Variants in TBCK observed in about 807,000 individuals in gnomAD.
TBCK encodes the protein TBC1 domain containing kinase, also known as TBC domain-containing protein kinase-like protein.
Under a neutral mutation model 113.4 loss-of-function variants are expected in TBCK, and 99 were observed. The ratio of observed to expected loss-of-function variants is 0.87; its 90% CI spans 0.74 to 1.03. The LOEUF is 1.03. Ranked by LOEUF, TBCK falls within the 50% of genes least tolerant of loss-of-function variation. The probability of loss-of-function intolerance (pLI) is 0.00; values close to 1 mark genes in which losing one functional copy is unlikely to be tolerated. For missense variants in TBCK, 1,045 were observed against 1,061.3 expected (o/e 0.98, Z 0.21); for synonymous variants, 369 against 370.8 (o/e 1.00, Z 0.05).
At chr4:106,223,981 C>T (rs1051949169) in intron 19 of TBCK, among the ~76,000 whole-genome samples, 9 of 152,066 alleles carry the variant, frequency 5.9e-5, no homozygotes, top group African/African-American at 1.7e-4. Flanking sequence ...TCCTGAGTTG[C>T]ATAATCAGTA....
At chr4:106,284,917 C>T (rs1764965927) in intron 3 of TBCK, among the ~76,000 whole-genome samples, 2 of 152,204 alleles carry the variant, frequency 1.3e-5, no homozygotes, top group Middle Eastern at 6.8e-3. Context: ...TTTAGGGTAG[C>T]ATTAGGTAGA....
intron 23 of TBCK, among the ~76,000 whole-genome samples, chr4:106,150,849 T>G (rs562545980): frequency 6.6e-6 from 1 of 152,170 alleles, no homozygotes; most frequent in Admixed American, 6.5e-5. Context: ...TTAACACTAG[T>G]ATAACCTTTT....
chr4:106,262,452 T>C (rs1762594995), intron 3 of TBCK, among the ~76,000 whole-genome samples: 1 of 152,078 alleles, frequency 6.6e-6, no homozygotes, highest in South Asian at 2.1e-4. Context: ...GCTACTGTAA[T>C]AGCAGTATTT....
intron 23 of TBCK, among the ~76,000 whole-genome samples, chr4:106,155,765 T>A (rs971789332): frequency 3.3e-5 from 5 of 152,158 alleles, no homozygotes; most frequent in African/African-American, 1.2e-4. Context: ...GAAATTTATC[T>A]GGTAGAATTC....
At chr4:106,262,487 T>C (rs1319725723) in intron 3 of TBCK, among the ~76,000 whole-genome samples, 4 of 152,180 alleles carry the variant, frequency 2.6e-5, no homozygotes, top group East Asian at 1.9e-4. Context: ...AGGGCTTTAA[T>C]TTTGGTGGTG....
At chr4:106,180,777 A>G (rs1001347437) in intron 22 of TBCK, among the ~76,000 whole-genome samples, 2 of 152,088 alleles carry the variant, frequency 1.3e-5, no homozygotes, top group Non-Finnish European at 2.9e-5. Context: ...AATCCAGTCT[A>G]TCATTGATGG....
At chr4:106,150,587 C>T (rs950956897) in intron 23 of TBCK, among the ~76,000 whole-genome samples, 2 of 152,096 alleles carry the variant, frequency 1.3e-5, no homozygotes, top group Admixed American at 6.5e-5. Flanking sequence ...CTGGAATGAA[C>T]TTTCTGTTAA....
In TBCK at chr4:106,240,073, T is replaced by C. The variant is rs1287230271; in HGVS notation, c.1170+2397A>G. The stretch of plus-strand genomic sequence containing the variant: ...TTTATCCCAGAAATACAAACATGGC[T>C]CAACATTGAAAAACCCCATCAACAT... On this transcript the variant is annotated intron_variant, in intron 12 of 25. Transcript: ENST00000394708. Among the ~76,000 whole-genome samples, 3 of 151,832 alleles carry C rather than the reference T, an allele frequency of 2.0e-5. No individual in the cohort carries two copies. The East Asian group carries it at 5.8e-4, about 29-fold the overall frequency.
chr4:106,304,600 T>TA (rs1767308483), intron 2 of TBCK, among the ~76,000 whole-genome samples: 2 of 152,116 alleles, frequency 1.3e-5, no homozygotes, highest in South Asian at 4.1e-4. Context: ...ATAGTCCAAC[T>TA]AAAAAAATAT....
chr4:106,177,016 G>T (rs1464565440), intron 22 of TBCK, among the ~76,000 whole-genome samples: 1 of 149,538 alleles, frequency 6.7e-6, no homozygotes, highest in East Asian at 2.0e-4. Flanking sequence ...AGAGTGTAAT[G>T]ACTACAGACA....
rs188494497 is a variant in TBCK, at chr4:106,070,441, G to A, written c.2572-23761C>T. On this transcript the variant is annotated intron_variant, in intron 25 of 25. Coordinates refer to ENST00000394708, the MANE Select transcript of TBCK (RefSeq NM_001163435.3). Reference sequence around the variant, plus strand: ...TGGTTCTATTTATGTGATGGATTACGTTTATTGATTTGTGTATGTTGAGCC... The same window carrying A: ...TGGTTCTATTTATGTGATGGATTACATTTATTGATTTGTGTATGTTGAGCC... Among the ~76,000 whole-genome samples, 22 of 152,148 alleles carry A rather than the reference G, an allele frequency of 1.4e-4. No individual in the cohort carries two copies. The East Asian group carries it at 2.7e-3, about 19-fold the overall frequency.
At chr4:106,143,262 G>T (rs555682724) in intron 23 of TBCK, among the ~76,000 whole-genome samples, 2 of 151,904 alleles carry the variant, frequency 1.3e-5, no homozygotes, top group Non-Finnish European at 2.9e-5. Flanking sequence ...TGTTTTTCCT[G>T]CCCCTTTTTC....
At position 106,076,626 on chromosome 4, in the gene TBCK, G is replaced by A. The variant is rs116743977; in HGVS notation, c.2571+18856C>T. ...GTATAGGTAACTAGAGAGAAGCGGC[G>A]GGTCACTTACAAAGGGAACTCTGTC... On this transcript the variant is annotated intron_variant, in intron 25 of 25. Transcript: ENST00000394708. Among the ~76,000 whole-genome samples, 507 of 152,146 alleles carry A rather than the reference G, an allele frequency of 3.3e-3. 2 individuals carry two copies. Among genetic ancestry groups the A allele is most frequent in the Non-Finnish European group, 4.9e-3 (331 of 68,010 alleles).
Position 106,244,689 on chromosome 4 carries a change from A to C in TBCK, c.1007T>G (p.Leu336Trp). The change falls in exon 11 of 26, where the codon TTG (leucine) becomes TGG (tryptophan). Residue 336 changes from leucine to tryptophan, a missense_variant. Coordinates refer to ENST00000394708, the MANE Select transcript of TBCK (RefSeq NM_001163435.3). ...TTCCTTGTTGACAAGCTCTTTCTCCAAGTCACCTCCAGCCAAACACCAAAG... is the reference window on the plus strand; with the variant it reads ...TTCCTTGTTGACAAGCTCTTTCTCCCAGTCACCTCCAGCCAAACACCAAAG... ...YYLWCLAGGD[L>W]EKELVNKEII... 1 of 1,612,226 alleles carries C rather than the reference A, an allele frequency of 6.2e-7. No individual in the cohort carries two copies. The highest frequency in any genetic ancestry group is 8.5e-7 in the Non-Finnish European group (1 of 1,178,818).
intron 25 of TBCK, among the ~76,000 whole-genome samples, chr4:106,050,517 G>A (rs1734686672): frequency 6.6e-6 from 1 of 151,944 alleles, no homozygotes; most frequent in Non-Finnish European, 1.5e-5. Context: ...ATATTATGCT[G>A]GAAATCAGTA....
At chr4:106,247,028 C>A in intron 10 of TBCK, 111 bp downstream of exon 10, 1 of 1,111,934 alleles carries the variant, frequency 9.0e-7, no homozygotes. Flanking sequence ...CTCTTAATTC[C>A]CATGATCCCA....
intron 25 of TBCK, among the ~76,000 whole-genome samples, chr4:106,060,052 A>G (rs1038611689): frequency 6.6e-6 from 1 of 151,784 alleles, no homozygotes; most frequent in African/African-American, 2.4e-5. Flanking sequence ...GCTGGAGAAG[A>G]AAAGTTGGAA....
At chr4:106,294,336 C>G (rs867521362) in intron 3 of TBCK, among the ~76,000 whole-genome samples, 2 of 151,818 alleles carry the variant, frequency 1.3e-5, no homozygotes, top group African/African-American at 4.8e-5. Flanking sequence ...ATTACAGGCA[C>G]GCACCACCAT....
At chr4:106,235,961 T>C (rs1300458949) in intron 14 of TBCK, among the ~76,000 whole-genome samples, 2 of 152,002 alleles carry the variant, frequency 1.3e-5, no homozygotes, top group African/African-American at 4.8e-5. Flanking sequence ...TCCAATATCA[T>C]TGCATCTGTG....
Sources: allele counts gnomAD v4.1 joint callset (sites outside exome capture counted in the v4.1 genomes callset), GRCh38; gene constraint gnomAD v4.1.1; transcripts MANE v1.5; gene names NCBI Gene and HGNC (gene_info 2026-07-23, HGNC 2026-07-21).